CACNA2D3: variants seen among roughly 807,000 people sequenced by gnomAD.
CACNA2D3 encodes voltage-dependent calcium channel subunit alpha-2/delta-3.
A neutral mutation model predicts 160.6 loss-of-function variants in CACNA2D3; 60 were observed. The observed-to-expected ratio is 0.37, with a 90% confidence interval of 0.30 to 0.46. CACNA2D3 has a LOEUF of 0.46. Among genes scored for constraint, CACNA2D3 ranks in the 20% least tolerant of loss-of-function variants. The probability of loss-of-function intolerance (pLI) is 1.00; values close to 1 mark genes in which losing one functional copy is unlikely to be tolerated. For missense variants in CACNA2D3, 1,205 were observed against 1,365.0 expected, an observed-to-expected ratio of 0.88 and a Z score of 1.85; for synonymous variants, 558 against 492.9, an observed-to-expected ratio of 1.13 and a Z score of -1.75.
At chr3:54,869,834 T>A (rs1219907565) in intron 17 of CACNA2D3, among the ~76,000 whole-genome samples, 1 of 152,250 alleles carries the variant, frequency 6.6e-6, no homozygotes, top group Non-Finnish European at 1.5e-5. Flanking sequence ...AGGGCTTCCA[T>A]GCACACAGGA....
intron 27 of CACNA2D3, chr3:54,967,066 G>A (rs554237628): frequency 1.6e-4 from 24 of 152,316 alleles, no homozygotes; most frequent in African/African-American, 2.6e-4. Context: ...CCTGGGCACC[G>A]ACATGGTGCA....
chr3:54,534,556 C>T (rs1054002408), intron 5 of CACNA2D3, among the ~76,000 whole-genome samples: 5 of 151,810 alleles, frequency 3.3e-5, no homozygotes, highest in African/African-American at 9.7e-5. Flanking sequence ...TCTCTTCATT[C>T]GTTCACTCCA....
chr3:54,230,823 A>G (rs866506988), intron 2 of CACNA2D3, among the ~76,000 whole-genome samples: 18 of 152,232 alleles, frequency 1.2e-4, no homozygotes, highest in Non-Finnish European at 2.1e-4. Context: ...TACAAATGCT[A>G]ATTTGTTAAA....
intron 3 of CACNA2D3, among the ~76,000 whole-genome samples, chr3:54,326,061 G>C (rs1158739951): frequency 6.6e-6 from 1 of 152,108 alleles, no homozygotes; most frequent in Non-Finnish European, 1.5e-5. Context: ...CTTTACTGTG[G>C]AAAGTAATTG....
chr3:54,815,708 A>T (rs1054953266), intron 13 of CACNA2D3, among the ~76,000 whole-genome samples: 6 of 152,208 alleles, frequency 3.9e-5, no homozygotes. Context: ...TTGTATAATT[A>T]CTTAACCTTT....
At chr3:54,627,142 G>A (rs750606253) in intron 9 of CACNA2D3, among the ~76,000 whole-genome samples, 12 of 152,172 alleles carry the variant, frequency 7.9e-5, no homozygotes, top group Non-Finnish European at 1.6e-4. Flanking sequence ...TGTGTATTAC[G>A]CATGTGGTAG....
At chr3:54,144,538 G>A (rs1021617262) in intron 2 of CACNA2D3, among the ~76,000 whole-genome samples, 1 of 152,212 alleles carries the variant, frequency 6.6e-6, no homozygotes, top group African/African-American at 2.4e-5. Context: ...TCTGACACAG[G>A]CTTGCCTGGG....
intron 3 of CACNA2D3, among the ~76,000 whole-genome samples, chr3:54,322,634 T>C (rs1704028674): frequency 6.6e-6 from 1 of 152,284 alleles, no homozygotes; most frequent in South Asian, 2.1e-4. Flanking sequence ...TGGCAAACAG[T>C]AAATGTTCAG....
chr3:54,654,439 A>T (rs1355440398), intron 11 of CACNA2D3, among the ~76,000 whole-genome samples: 1 of 152,184 alleles, frequency 6.6e-6, no homozygotes, highest in Non-Finnish European at 1.5e-5. Flanking sequence ...GAGAGAATTT[A>T]ATGTTAAAAA....
intron 2 of CACNA2D3, among the ~76,000 whole-genome samples, chr3:54,129,828 G>C (rs72980824): frequency 0.053 from 8,036 of 152,274 alleles, 681 homozygotes; most frequent in African/African-American, 0.18. Context: ...TTAAGTGTGT[G>C]TATGTGTGCG....
chr3:54,914,240 A>C (rs1354440686), intron 27 of CACNA2D3, among the ~76,000 whole-genome samples: 1 of 152,214 alleles, frequency 6.6e-6, no homozygotes, highest in African/African-American at 2.4e-5. Flanking sequence ...CTCTTATGTC[A>C]ACTCCAGTTG....
At chr3:54,731,570 C>CAA (rs1701387216) in intron 11 of CACNA2D3, among the ~76,000 whole-genome samples, 1 of 152,124 alleles carries the variant, frequency 6.6e-6, no homozygotes, top group Admixed American at 6.6e-5. Context: ...TGGTCCAGAA[C>CAA]ATGTCTGGGG....
At chr3:55,057,003 T>A (rs1704376682) in intron 35 of CACNA2D3, among the ~76,000 whole-genome samples, 1 of 152,200 alleles carries the variant, frequency 6.6e-6, no homozygotes, top group African/African-American at 2.4e-5. Context: ...CTGATATGAT[T>A]TGGCTGTGTC....
intron 35 of CACNA2D3, among the ~76,000 whole-genome samples, chr3:55,022,155 A>G (rs1485703919): frequency 6.6e-6 from 1 of 152,102 alleles, no homozygotes; most frequent in Non-Finnish European, 1.5e-5. Context: ...TACCATGGAC[A>G]TCCCTGTTCA....
At chr3:54,306,091 CT>C (rs1559916666) in intron 2 of CACNA2D3, among the ~76,000 whole-genome samples, 1 of 152,040 alleles carries the variant, frequency 6.6e-6, no homozygotes, top group South Asian at 2.1e-4. Context: ...TCTGTGTCTT[CT>C]TTTTTTGCAT....
chr3:54,506,065 TGTCTCAGCCAGGCA>T lies in CACNA2D3; in HGVS notation c.544+2414_544+2427del, dbSNP rs1450375584. 4.1e-4 allele frequency among the ~76,000 whole-genome samples: 62 copies of T among 152,312 alleles called. 1 individual carries two copies. Among genetic ancestry groups the T allele is most frequent in the African/African-American group, 1.5e-3 (62 of 41,582 alleles). On this transcript the variant is annotated intron_variant, in intron 5 of 37. Transcript: ENST00000474759. ...CCAGGGTCAGCCAGGTGTTCTGTCT[TGTCTCAGCCAGGCA>T]GTGAATCACTGCCCAAGGGCAGAGG...
At chr3:54,659,070 C>G (rs1309090479) in intron 11 of CACNA2D3, among the ~76,000 whole-genome samples, 2 of 152,146 alleles carry the variant, frequency 1.3e-5, no homozygotes, top group African/African-American at 4.8e-5. Flanking sequence ...GAGCTCTATC[C>G]TACTAGATTT....
intron 24 of CACNA2D3, 77 bp from the exon 25 acceptor site, chr3:54,891,278 C>A: frequency 1.1e-6 from 1 of 942,916 alleles, no homozygotes; most frequent in Non-Finnish European, 1.7e-6. Context: ...TAAAAACATT[C>A]TGTGAGTCTT....
intron 5 of CACNA2D3, among the ~76,000 whole-genome samples, chr3:54,545,670 G>A (rs972261546): frequency 6.6e-6 from 1 of 152,176 alleles, no homozygotes; most frequent in Non-Finnish European, 1.5e-5. Flanking sequence ...TGGTATGGAA[G>A]TGCTTCACTT....
Sources: allele counts gnomAD v4.1 joint callset (sites outside exome capture counted in the v4.1 genomes callset), GRCh38; gene constraint gnomAD v4.1.1; transcripts MANE v1.5; gene names NCBI Gene and HGNC (gene_info 2026-07-23, HGNC 2026-07-21).